ADAMTSL1: variants seen among roughly 807,000 people sequenced by gnomAD.
ADAMTSL1 encodes the protein ADAMTS like 1, also known as ADAMTS-like protein 1.
A neutral mutation model predicts 201.8 loss-of-function variants in ADAMTSL1; 126 were observed. The observed-to-expected ratio is 0.62, with a 90% CI of 0.54 to 0.72. The LOEUF is 0.72. Among genes scored for constraint, ADAMTSL1 ranks in the 30% least tolerant of loss-of-function variants. The pLI is 0.00. For synonymous variants in ADAMTSL1, 1,121 were observed against 903.4 expected, an observed-to-expected ratio of 1.24 and a Z score of -4.32; for missense variants, 2,679 against 2,277.8, an observed-to-expected ratio of 1.18 and a Z score of -3.59.
chr9:18,113,114 C>T (rs1564007244), intron 1 of ADAMTSL1, among the ~76,000 whole-genome samples: 1 of 152,050 alleles, frequency 6.6e-6, no homozygotes, highest in Middle Eastern at 3.4e-3. Flanking sequence ...ATACGGGGTA[C>T]TCAGGGAAGT....
intron 15 of ADAMTSL1, among the ~76,000 whole-genome samples, chr9:18,727,403 C>T (rs1817954088): frequency 1.3e-5 from 2 of 152,258 alleles, no homozygotes; most frequent in South Asian, 4.1e-4. Flanking sequence ...GAGTCCATAT[C>T]CAGGCGCCTT....
chr9:18,757,227 G>T (rs1404574304), intron 16 of ADAMTSL1, among the ~76,000 whole-genome samples: 2 of 152,000 alleles, frequency 1.3e-5, no homozygotes, highest in African/African-American at 4.8e-5. Context: ...TATTTAGACA[G>T]CTTTTGAACA....
At chr9:18,192,878 C>T (rs1829024663) in intron 2 of ADAMTSL1, among the ~76,000 whole-genome samples, 1 of 152,128 alleles carries the variant, frequency 6.6e-6, no homozygotes. Context: ...CAGCTTATTG[C>T]AAGCACTGTA....
chr9:18,191,993 T>C (rs988455746), intron 2 of ADAMTSL1, among the ~76,000 whole-genome samples: 7 of 152,206 alleles, frequency 4.6e-5, no homozygotes, highest in African/African-American at 1.7e-4. Context: ...CTTCTTGTAA[T>C]GAAATACACT....
At chr9:18,709,099 A>G (rs1832402403) in intron 14 of ADAMTSL1, among the ~76,000 whole-genome samples, 1 of 152,214 alleles carries the variant, frequency 6.6e-6, no homozygotes, top group African/African-American at 2.4e-5. Flanking sequence ...TTAAATGTCA[A>G]CAACTGAACC....
At chr9:18,607,823 C>A (rs181991266) in intron 4 of ADAMTSL1, among the ~76,000 whole-genome samples, 2 of 151,386 alleles carry the variant, frequency 1.3e-5, no homozygotes, top group Non-Finnish European at 2.9e-5. Context: ...TGAGAACATG[C>A]GGTGTTCGGT....
At chr9:18,187,101 G>T (rs1308937010) in intron 2 of ADAMTSL1, among the ~76,000 whole-genome samples, 1 of 152,054 alleles carries the variant, frequency 6.6e-6, no homozygotes, top group East Asian at 1.9e-4. Flanking sequence ...ACTGTCATGT[G>T]GTGTTCCCAG....
chr9:18,189,417 G>A (rs185011714), intron 2 of ADAMTSL1, among the ~76,000 whole-genome samples: 1 of 152,090 alleles, frequency 6.6e-6, no homozygotes, highest in African/African-American at 2.4e-5. Flanking sequence ...AAGGCTATGT[G>A]GTGTCTGTAT....
intron 2 of ADAMTSL1, among the ~76,000 whole-genome samples, chr9:18,254,624 A>G (rs1004810891): frequency 2.3e-4 from 35 of 151,040 alleles, no homozygotes; most frequent in Non-Finnish European, 3.7e-4. Context: ...CGGCCTCCCA[A>G]AGTGCTGGGA....
intron 1 of ADAMTSL1, among the ~76,000 whole-genome samples, chr9:17,943,519 G>A (rs925887806): frequency 2.0e-5 from 3 of 152,028 alleles, no homozygotes; most frequent in Non-Finnish European, 2.9e-5. Context: ...CCTGTTTAAA[G>A]TATTTTGATA....
intron 2 of ADAMTSL1, among the ~76,000 whole-genome samples, chr9:18,295,893 G>A (rs1446187142): frequency 6.6e-6 from 1 of 152,138 alleles, no homozygotes; most frequent in Admixed American, 6.5e-5. Flanking sequence ...AAGAATATAT[G>A]CCTTATGTTG....
intron 2 of ADAMTSL1, among the ~76,000 whole-genome samples, chr9:18,387,931 T>C (rs1301609966): frequency 6.6e-6 from 1 of 151,846 alleles, no homozygotes; most frequent in Non-Finnish European, 1.5e-5. Flanking sequence ...TTTTGCCTTC[T>C]GTATTTTGAG....
chr9:18,565,749 C>T (rs1051398696), intron 3 of ADAMTSL1, among the ~76,000 whole-genome samples: 8 of 152,122 alleles, frequency 5.3e-5, no homozygotes, highest in African/African-American at 9.7e-5. Context: ...GTTGTCTCCA[C>T]GCAGACTGTC....
At chr9:18,742,395 G>A (rs1818883934) in intron 15 of ADAMTSL1, among the ~76,000 whole-genome samples, 1 of 152,126 alleles carries the variant, frequency 6.6e-6, no homozygotes, top group Non-Finnish European at 1.5e-5. Context: ...ATGCCTTGTG[G>A]TCTACTTGGG....
At chr9:18,186,885 A>G (rs1027956243) in intron 2 of ADAMTSL1, among the ~76,000 whole-genome samples, 1 of 151,920 alleles carries the variant, frequency 6.6e-6, no homozygotes. Context: ...ACAAACGTGA[A>G]CATATATATT....
At chr9:18,035,010 C>G (rs1307595135) in intron 1 of ADAMTSL1, among the ~76,000 whole-genome samples, 1 of 152,124 alleles carries the variant, frequency 6.6e-6, no homozygotes, top group East Asian at 1.9e-4. Flanking sequence ...ATGATTGTCT[C>G]AGGTTTGATC....
chr9:18,541,001 G>C (rs140995392), intron 3 of ADAMTSL1, among the ~76,000 whole-genome samples: 98 of 152,142 alleles, frequency 6.4e-4, no homozygotes, highest in African/African-American at 2.1e-3. Context: ...AATCTTTCCT[G>C]ACCTACCCAG....
At position 18,392,484 on chromosome 9, in the gene ADAMTSL1, G is replaced by T. The variant is rs578000099; in HGVS notation, c.208-112345G>T. ...ATCCTACATCTCCACTTGGCCTGGC[G>T]TGCTCTGCAAACCTGCTACTGACAA... On this transcript the variant is annotated intron_variant, in intron 2 of 29. Coordinates refer to the ADAMTSL1 transcript ENST00000680146. Among the ~76,000 whole-genome samples the T allele has an allele frequency of 5.3e-5, 8 of 152,144 alleles. No individual in the cohort carries two copies. The East Asian group carries it at 1.5e-3, about 29-fold the overall frequency.
At chr9:18,493,432 C>G (rs565021481) in intron 1 of ADAMTSL1, among the ~76,000 whole-genome samples, 1 of 152,092 alleles carries the variant, frequency 6.6e-6, no homozygotes, top group Non-Finnish European at 1.5e-5. Flanking sequence ...ATTCTCATTC[C>G]CAGTTCTCTT....
Sources: gnomAD v4.1 joint callset for allele counts (sites outside exome capture counted in the v4.1 genomes callset) on GRCh38, gnomAD v4.1.1 for gene constraint, MANE v1.5 for transcripts, NCBI Gene and HGNC (gene_info 2026-07-23, HGNC 2026-07-21) for gene names.